Variants in ANKDD1B observed in about 807,000 individuals in gnomAD.
The protein encoded by ANKDD1B is ankyrin repeat and death domain containing 1B, also known as ankyrin repeat and death domain-containing protein 1B.
ANKDD1B carries 57 observed loss-of-function variants against 59.7 expected under a neutral mutation model. That is an observed-to-expected ratio of 0.95 (90% confidence interval 0.77 to 1.19). ANKDD1B has a LOEUF of 1.19. Among genes scored for constraint, ANKDD1B ranks in the 50% most tolerant of loss-of-function variants. The probability of loss-of-function intolerance (pLI) is 0.00; values close to 1 mark genes in which losing one functional copy is unlikely to be tolerated. For synonymous variants in ANKDD1B, 216 were observed against 239.5 expected (o/e 0.90, Z 0.91); for missense variants, 602 against 641.9 (o/e 0.94, Z 0.67).
intron 5 of ANKDD1B, among the ~76,000 whole-genome samples, chr5:75,629,448 C>G (rs1774089505): frequency 6.6e-6 from 1 of 152,092 alleles, no homozygotes; most frequent in African/African-American, 2.4e-5. Context: ...TCTCAGGGAT[C>G]CCTGTGGTAA....
chr5:75,658,532 G>A (rs1253535459), intron 9 of ANKDD1B, among the ~76,000 whole-genome samples: 1 of 152,066 alleles, frequency 6.6e-6, no homozygotes, highest in Non-Finnish European at 1.5e-5. Context: ...TTGAAGTCTT[G>A]GACTCCTTTA....
At position 75,670,332 on chromosome 5, in the gene ANKDD1B, C is replaced by T. The variant is rs554401693; in HGVS notation, c.1526-647C>T. On this transcript the variant is annotated intron_variant, in intron 13 of 13. Transcript: ENST00000601380. ...CATTCTGGTTTTACTAGTGGTATTT[C>T]CATTTACAAAATATGGAAATTCTTG... Among the ~76,000 whole-genome samples the T allele has an allele frequency of 1.5e-4, 23 of 152,250 alleles. No homozygotes were observed. In the East Asian group the frequency reaches 2.9e-3, roughly 19 times the overall value.
intron 10 of ANKDD1B, 37 bp downstream of exon 10, chr5:75,659,418 G>T: frequency 7.1e-7 from 1 of 1,410,792 alleles, no homozygotes. Flanking sequence ...AGCTGAGATG[G>T]TTGCTAAGAC....
chr5:75,635,130 CAG>C, intron 6 of ANKDD1B, 134 bp downstream of exon 6: 2 of 602,072 alleles, frequency 3.3e-6, no homozygotes, highest in Non-Finnish European at 5.8e-6. Flanking sequence ...CTACTGTACT[CAG>C]AGAGAATCAT....
intron 1 of ANKDD1B, among the ~76,000 whole-genome samples, chr5:75,616,543 C>T (rs1773721696): frequency 6.6e-6 from 1 of 152,194 alleles, no homozygotes; most frequent in Non-Finnish European, 1.5e-5. Context: ...AGGTTACTGA[C>T]TTCAGGGTGG....
chr5:75,623,761 A>T (rs1468890676), intron 3 of ANKDD1B, among the ~76,000 whole-genome samples: 3 of 151,554 alleles, frequency 2.0e-5, no homozygotes, highest in Non-Finnish European at 4.4e-5. Flanking sequence ...GCCAATATTA[A>T]CCTCCCCCCA....
rs1561455450 is a variant in ANKDD1B, at chr5:75,671,836, A to T, written c.*796A>T. On this transcript the variant is annotated 3_prime_UTR_variant, in exon 14 of 14. Coordinates refer to ENST00000601380, the MANE Select transcript of ANKDD1B (RefSeq NM_001276713.2). ...CTAAGAGTTATGAAATAAATGTAAA[A>T]TTGAGTGTCAGTTTATGTGCACCTA... The T allele has an allele frequency of 8.6e-6, 1 of 116,634 alleles. No individual in the cohort carries two copies. The highest frequency in any genetic ancestry group is 2.0e-5 in the Non-Finnish European group (1 of 51,082). The allele number at this position is 116,634 out of a possible 1,614,324, so 7.2% of individuals were successfully genotyped here.
chr5:75,662,822 G>C (rs1035215245), intron 10 of ANKDD1B, among the ~76,000 whole-genome samples: 1 of 152,074 alleles, frequency 6.6e-6, no homozygotes, highest in South Asian at 2.1e-4. Flanking sequence ...CCCTTGGTGA[G>C]AGGCAGTATG....
intron 2 of ANKDD1B, among the ~76,000 whole-genome samples, chr5:75,618,241 T>G (rs1195810744): frequency 6.6e-6 from 1 of 152,200 alleles, no homozygotes. Context: ...TATTTGTGGA[T>G]AGATATCTTT....
Position 75,637,240 on chromosome 5 carries a change from C to CAAAAAAAAAAAAAAAAAAAAAAAAAA in ANKDD1B, c.798+1366_798+1391dup, listed in dbSNP as rs55640131. Among the ~76,000 whole-genome samples, 36 of 69,930 alleles carry CAAAAAAAAAAAAAAAAAAAAAAAAAA rather than the reference C, an allele frequency of 5.1e-4. 1 individual carries two copies. Among genetic ancestry groups the CAAAAAAAAAAAAAAAAAAAAAAAAAA allele is most frequent in the South Asian group, 7.1e-4 (1 of 1,414 alleles). The allele number at this position is 69,930 out of a possible 152,430, so 45.9% of individuals were successfully genotyped here. On this transcript the variant is annotated intron_variant, in intron 7 of 13. Transcript: ENST00000601380. ...AGCCTGGGCGACAGAGACTCTGTCT[C>CAAAAAAAAAAAAAAAAAAAAAAAAAA]AAAAAAAAAAAAAAAAAAAAAAAAA...
Position 75,611,505 on chromosome 5 carries a change from C to T in ANKDD1B, c.-130C>T, listed in dbSNP as rs1381451968. The T allele has an allele frequency of 7.7e-6, 5 of 648,486 alleles. No homozygotes were observed. Among genetic ancestry groups the T allele is most frequent in the Non-Finnish European group, 1.1e-5 (5 of 456,006 alleles). 40.2% of individuals were successfully genotyped at this position (648,486 alleles called of 1,614,324 possible). On this transcript the variant is annotated 5_prime_UTR_variant, in exon 1 of 14. Transcript: ENST00000601380. ...AGCGGACTCGATCCTGCGCTCCGGC[C>T]GGGCTGACCTGCCTGCGTCCAGCCC... is the stretch of plus-strand genomic sequence containing the variant.
At chr5:75,629,650 G>T (rs553292115) in intron 5 of ANKDD1B, among the ~76,000 whole-genome samples, 7 of 152,100 alleles carry the variant, frequency 4.6e-5, no homozygotes, top group African/African-American at 1.7e-4. Context: ...AACATATCAG[G>T]TTAGCCAGGC....
chr5:75,658,981 C>A (rs549081703), intron 9 of ANKDD1B, among the ~76,000 whole-genome samples: 1 of 152,288 alleles, frequency 6.6e-6, no homozygotes, highest in African/African-American at 2.4e-5. Flanking sequence ...ATTCTACTTT[C>A]TGTCTCTATA....
At chr5:75,632,990 T>C (rs556040582) in intron 5 of ANKDD1B, among the ~76,000 whole-genome samples, 36 of 152,340 alleles carry the variant, frequency 2.4e-4, no homozygotes, top group African/African-American at 8.4e-4. Context: ...ATATAATCAC[T>C]GTCTCTTGTT....
intron 10 of ANKDD1B, among the ~76,000 whole-genome samples, chr5:75,661,638 T>C (rs1775155463): frequency 6.6e-6 from 1 of 152,174 alleles, no homozygotes. Flanking sequence ...AAAGCCATTC[T>C]GTGGGTACGA....
At chr5:75,641,163 T>C (rs75737052) in intron 7 of ANKDD1B, among the ~76,000 whole-genome samples, 12 of 152,204 alleles carry the variant, frequency 7.9e-5, no homozygotes, top group Non-Finnish European at 1.6e-4. Context: ...CCTTTGAAAC[T>C]TTTGAGACTG....
At chr5:75,663,631 T>C in intron 11 of ANKDD1B, 142 bp downstream of exon 11, 1 of 687,646 alleles carries the variant, frequency 1.5e-6, no homozygotes, top group Non-Finnish European at 2.4e-6. Context: ...CCTTCTGTCT[T>C]GTGCTGCCCC....
chr5:75,626,016 T>A, intron 5 of ANKDD1B, 61 bp downstream of exon 5: 1 of 1,237,956 alleles, frequency 8.1e-7, no homozygotes. Flanking sequence ...ACTTTCTTCC[T>A]GCCTCTGGTA....
At chr5:75,640,731 T>C (rs931046794) in intron 7 of ANKDD1B, among the ~76,000 whole-genome samples, 2 of 152,208 alleles carry the variant, frequency 1.3e-5, no homozygotes, top group Non-Finnish European at 2.9e-5. Context: ...TGTTCACTCA[T>C]GCAGTGGGAA....
Sources: allele counts gnomAD v4.1 joint callset (sites outside exome capture counted in the v4.1 genomes callset), GRCh38; gene constraint gnomAD v4.1.1; transcripts MANE v1.5; gene names NCBI Gene and HGNC (gene_info 2026-07-23, HGNC 2026-07-21).